Variants in C2orf76 observed in about 807,000 individuals in gnomAD.
C2orf76 encodes the protein chromosome 2 open reading frame 76.
C2orf76 carries 23 observed loss-of-function variants against 16.9 expected under a neutral mutation model. The observed-to-expected ratio is 1.36, with a 90% CI of 0.98 to 1.93. The LOEUF (loss-of-function observed/expected upper bound fraction) is 1.93. Ranked by LOEUF, C2orf76 falls within the 30% of genes most tolerant of loss-of-function variation. The probability of loss-of-function intolerance (pLI) is 0.00; values close to 1 mark genes in which losing one functional copy is unlikely to be tolerated. For missense variants in C2orf76, 152 were observed against 152.6 expected, an observed-to-expected ratio of 1.00 and a Z score of 0.02; for synonymous variants, 48 against 52.3, an observed-to-expected ratio of 0.92 and a Z score of 0.35.
intron 2 of C2orf76, among the ~76,000 whole-genome samples, chr2:119,327,948 T>C (rs1439134787): frequency 1.3e-5 from 2 of 152,224 alleles, no homozygotes; most frequent in African/African-American, 4.8e-5. Flanking sequence ...TAGCTTTATT[T>C]TCTTTCAACA....
At chr2:119,327,885 C>T (rs911317449) in intron 2 of C2orf76, among the ~76,000 whole-genome samples, 1 of 151,762 alleles carries the variant, frequency 6.6e-6, no homozygotes, top group Non-Finnish European at 1.5e-5. Flanking sequence ...ATTTGATTTA[C>T]TAAAGTTTGG....
chr2:119,304,338 T>C (rs181757732), intron 5 of C2orf76, among the ~76,000 whole-genome samples: 1 of 152,364 alleles, frequency 6.6e-6, no homozygotes, highest in African/African-American at 2.4e-5. Flanking sequence ...CTAACTGTAA[T>C]TACAATTTTC....
intron 1 of C2orf76, among the ~76,000 whole-genome samples, chr2:119,342,577 A>G (rs1012129438): frequency 6.6e-6 from 1 of 151,714 alleles, no homozygotes; most frequent in African/African-American, 2.4e-5. Context: ...GTGCCACTGC[A>G]CTCCAGCCTG....
chr2:119,292,735 C>A, the C2orf76 span, among the ~76,000 whole-genome samples: 1 of 152,102 alleles, frequency 6.6e-6, no homozygotes, highest in Non-Finnish European at 1.5e-5. Context: ...TTCGCTTTAA[C>A]ATTCAAATAC....
At chr2:119,297,566 G>T (rs914888603), downstream of C2orf76, among the ~76,000 whole-genome samples, 2 of 152,104 alleles carry the variant, frequency 1.3e-5, no homozygotes, top group Non-Finnish European at 2.9e-5. Context: ...GAGTGCAGTG[G>T]TGTGATCTCA....
At chr2:119,358,311 T>A (rs1227151093) in intron 1 of C2orf76, among the ~76,000 whole-genome samples, 1 of 147,066 alleles carries the variant, frequency 6.8e-6, no homozygotes, top group Non-Finnish European at 1.5e-5. Flanking sequence ...AACAGATGGC[T>A]CACGCCTGTA....
At chr2:119,297,277 G>A (rs1678555526), downstream of C2orf76, among the ~76,000 whole-genome samples, 1 of 152,166 alleles carries the variant, frequency 6.6e-6, no homozygotes, top group African/African-American at 2.4e-5. Context: ...AATACATACA[G>A]TGTCTGACAC....
intron 1 of C2orf76, among the ~76,000 whole-genome samples, chr2:119,340,755 TACAC>T (rs60777590): frequency 0.033 from 4,646 of 140,268 alleles, 103 homozygotes; most frequent in East Asian, 0.11. Flanking sequence ...TGCTTTCTAA[TACAC>T]ACACACACAC....
At chr2:119,285,638 A>G in the C2orf76 span, among the ~76,000 whole-genome samples, 67,552 of 152,118 alleles carry the variant, frequency 0.44, 14,987 homozygotes, top group South Asian at 0.49. Flanking sequence ...AAAAGAAACC[A>G]AAATTGTGGT....
intron 5 of C2orf76, among the ~76,000 whole-genome samples, chr2:119,304,716 A>G (rs1437072236): frequency 3.3e-5 from 5 of 152,268 alleles, no homozygotes; most frequent in Non-Finnish European, 2.9e-5. Flanking sequence ...AAAGTAAAAC[A>G]TTAAATGGGT....
At chr2:119,358,929 C>T (rs1297228961) in intron 1 of C2orf76, among the ~76,000 whole-genome samples, 1 of 152,166 alleles carries the variant, frequency 6.6e-6, no homozygotes. Flanking sequence ...ATTTTCAACA[C>T]AGACAAAACA....
At chr2:119,363,517 T>C (rs1015227915) in intron 1 of C2orf76, among the ~76,000 whole-genome samples, 1 of 151,002 alleles carries the variant, frequency 6.6e-6, no homozygotes, top group African/African-American at 2.4e-5. Flanking sequence ...GGAAAGAAAA[T>C]ACAGAATGAA....
At position 119,366,165 on chromosome 2, in the gene C2orf76, C is replaced by T. The variant is rs116265360; in HGVS notation, c.-13+625G>A. Among the ~76,000 whole-genome samples, 613 of 152,298 alleles carry T rather than the reference C, an allele frequency of 4.0e-3. 6 individuals carry two copies. Among genetic ancestry groups the T allele is most frequent in the Middle Eastern group, 0.014 (4 of 294 alleles). ...CTTATTGTATAAACTACTGTCCCTA[C>T]TTGTAAGTTCCAAGATTGCAGGGAT... On this transcript the variant is annotated intron_variant, in intron 1 of 5. Coordinates refer to ENST00000334816, the MANE Select transcript of C2orf76 (RefSeq NM_001322331.2).
intron 2 of C2orf76, among the ~76,000 whole-genome samples, chr2:119,331,834 G>A (rs1434561124): frequency 6.6e-6 from 1 of 152,126 alleles, no homozygotes; most frequent in Admixed American, 6.5e-5. Flanking sequence ...AGTTTATGAC[G>A]TATCTATTAT....
At chr2:119,292,727 C>T in the C2orf76 span, among the ~76,000 whole-genome samples, 1 of 152,092 alleles carries the variant, frequency 6.6e-6, no homozygotes, top group Non-Finnish European at 1.5e-5. Flanking sequence ...TGTAAAGTTT[C>T]GCTTTAACAT....
In C2orf76 at chr2:119,306,567, G is replaced by T. The variant is rs202199810; in HGVS notation, c.305-4019C>A. 8.6e-5 allele frequency among the ~76,000 whole-genome samples: 13 copies of T among 151,862 alleles called. No individual in the cohort carries two copies. In the East Asian group the frequency reaches 2.3e-3, roughly 27 times the overall value. The stretch of plus-strand genomic sequence containing the variant: ...ACAATTTCTCTCTTAAACCAGACCA[G>T]ATTCGAAAGACAACAGTAGTAGAAT... On this transcript the variant is annotated intron_variant, in intron 5 of 5. Transcript: ENST00000334816.
intron 2 of C2orf76, among the ~76,000 whole-genome samples, chr2:119,323,223 G>A (rs1179138116): frequency 6.6e-6 from 1 of 151,108 alleles, no homozygotes; most frequent in Non-Finnish European, 1.5e-5. Flanking sequence ...GTTTCACTAG[G>A]TTGCCCAGGC....
Position 119,302,253 on chromosome 2 carries a change from TA to T in C2orf76, c.*218del. 5.6e-6 allele frequency: 2 copies of T among 354,792 alleles called. No homozygotes were observed. Among genetic ancestry groups the T allele is most frequent in the Non-Finnish European group, 1.0e-5 (2 of 195,822 alleles). The allele number at this position is 354,792 out of a possible 1,614,324, so 22.0% of individuals were successfully genotyped here. A position where few individuals can be genotyped will look rare whatever the true frequency, so the allele number is the denominator to read the frequency against. ...TTTTTAATAACAATTTATTTCCCTT[TA>T]AAAAGATCAAATGTTTTTCTCATAA... On this transcript the variant is annotated 3_prime_UTR_variant, in exon 6 of 6. Transcript: ENST00000334816.
intron 1 of C2orf76, among the ~76,000 whole-genome samples, chr2:119,352,224 C>T (rs1387352049): frequency 1.3e-5 from 2 of 152,132 alleles, no homozygotes; most frequent in East Asian, 1.9e-4. Flanking sequence ...TTTTGAAAAA[C>T]CAAAATATTT....
Sources: allele counts gnomAD v4.1 joint callset (sites outside exome capture counted in the v4.1 genomes callset), GRCh38; gene constraint gnomAD v4.1.1; transcripts MANE v1.5; gene names NCBI Gene and HGNC (gene_info 2026-07-23, HGNC 2026-07-21).